CFAP91: variants seen among roughly 807,000 people sequenced by gnomAD.
CFAP91 encodes cilia and flagella associated protein 91, also known as cilia- and flagella-associated protein 91.
Under a neutral mutation model 95.9 loss-of-function variants are expected in CFAP91, and 85 were observed. The observed-to-expected ratio is 0.89, with a 90% CI of 0.74 to 1.06. The LOEUF is 1.06. CFAP91 is among the 50% of genes least tolerant of loss of function. The pLI is 0.00. For synonymous variants in CFAP91, 335 were observed against 327.5 expected, an observed-to-expected ratio of 1.02 and a Z score of -0.25; for missense variants, 962 against 943.4, an observed-to-expected ratio of 1.02 and a Z score of -0.26.
chr3:119,713,465 G>T, intron 5 of CFAP91, among the ~76,000 whole-genome samples: 1 of 148,684 alleles, frequency 6.7e-6, no homozygotes. Flanking sequence ...TGCTGTGCTC[G>T]TATATAAGCT....
At chr3:119,726,520 G>C (rs2053788005) in intron 7 of CFAP91, among the ~76,000 whole-genome samples, 172 bp downstream of exon 7, 1 of 152,138 alleles carries the variant, frequency 6.6e-6, no homozygotes, top group African/African-American at 2.4e-5. Context: ...CTTCTGATGT[G>C]GTCCAGAAGC....
At chr3:119,705,793 G>A (rs1005260364) in intron 1 of CFAP91, among the ~76,000 whole-genome samples, 4 of 152,154 alleles carry the variant, frequency 2.6e-5, no homozygotes, top group African/African-American at 9.7e-5. Flanking sequence ...TAAGCACCTA[G>A]ATAGAGTAGC....
At chr3:119,733,126 C>T (rs978307856) in intron 9 of CFAP91, among the ~76,000 whole-genome samples, 2 of 152,100 alleles carry the variant, frequency 1.3e-5, no homozygotes, top group African/African-American at 4.8e-5. Flanking sequence ...TTTTGTAGGG[C>T]AATATTTTCA....
chr3:119,752,337 C>G (rs1277944619), intron 17 of CFAP91: 1 of 152,138 alleles, frequency 6.6e-6, no homozygotes, highest in East Asian at 1.9e-4. Context: ...AAGTCTCAAT[C>G]AAAAGGAATC....
intron 16 of CFAP91, among the ~76,000 whole-genome samples, chr3:119,748,647 C>G (rs1238082149): frequency 6.6e-6 from 1 of 152,098 alleles, no homozygotes; most frequent in African/African-American, 2.4e-5. Context: ...TCAATTTGCT[C>G]AATCAGGGAT....
chr3:119,736,484 G>A (rs902269227), intron 10 of CFAP91, among the ~76,000 whole-genome samples: 1 of 151,684 alleles, frequency 6.6e-6, no homozygotes, highest in African/African-American at 2.4e-5. Context: ...CACCGTGTTA[G>A]CCAGGATGGT....
chr3:119,705,021 A>G (rs747248795), intron 1 of CFAP91, among the ~76,000 whole-genome samples: 1 of 152,230 alleles, frequency 6.6e-6, no homozygotes, highest in Non-Finnish European at 1.5e-5. Flanking sequence ...TTACACAACG[A>G]TAAGCTCACC....
At chr3:119,755,768 C>T (rs2054415313) in intron 17 of CFAP91, among the ~76,000 whole-genome samples, 1 of 152,022 alleles carries the variant, frequency 6.6e-6, no homozygotes. Context: ...GAGAACTGGA[C>T]ATAATAAAAA....
At chr3:119,712,141 T>C (rs1346262885) in intron 5 of CFAP91, among the ~76,000 whole-genome samples, 3 of 152,230 alleles carry the variant, frequency 2.0e-5, no homozygotes. Flanking sequence ...GTTTGGGTCC[T>C]GTTTGAGGTT....
intron 17 of CFAP91, among the ~76,000 whole-genome samples, chr3:119,764,237 TC>T (rs1346698812): frequency 6.6e-6 from 1 of 152,104 alleles, no homozygotes; most frequent in Admixed American, 6.6e-5. Flanking sequence ...AAACAATTGT[TC>T]CATGGATAAC....
intron 16 of CFAP91, among the ~76,000 whole-genome samples, chr3:119,748,856 A>T (rs1298677165): frequency 6.6e-6 from 1 of 152,276 alleles, no homozygotes; most frequent in East Asian, 1.9e-4. Context: ...CTGAGAGTAC[A>T]TTCTTAACAG....
At chr3:119,739,531 G>T (rs2054077530) in intron 12 of CFAP91, among the ~76,000 whole-genome samples, 1 of 152,122 alleles carries the variant, frequency 6.6e-6, no homozygotes, top group African/African-American at 2.4e-5. Flanking sequence ...ACAGTGTCAA[G>T]GAGAGAGACA....
chr3:119,747,868 C>T lies in CFAP91; in HGVS notation c.2109C>T (p.Ile703=). The change falls in exon 16 of 18, where the codon ATC becomes ATT. Residue 703 remains isoleucine, a synonymous_variant. Coordinates refer to ENST00000273390, the MANE Select transcript of CFAP91 (RefSeq NM_033364.4). ...CTGAGTTGGTTTATAGTTTTCTGAT[C>T]CCAGAGGTGCAAAAATACTTTGTCA... ...IVAELVYSFL[I]PEVQKYFVKE... The T allele has an allele frequency of 6.2e-7, 1 of 1,613,282 alleles. No homozygotes were observed. Among genetic ancestry groups the T allele is most frequent in the Non-Finnish European group, 8.5e-7 (1 of 1,179,574 alleles).
intron 17 of CFAP91, among the ~76,000 whole-genome samples, chr3:119,761,954 A>G (rs2054545054): frequency 6.6e-6 from 1 of 152,002 alleles, no homozygotes; most frequent in African/African-American, 2.4e-5. Flanking sequence ...CACTCTTGCT[A>G]CTTCTATTCA....
At chr3:119,743,307 G>A (rs535143900) in intron 13 of CFAP91, among the ~76,000 whole-genome samples, 28 of 151,922 alleles carry the variant, frequency 1.8e-4, no homozygotes, top group Admixed American at 1.1e-3. Context: ...TAGTAAAGAC[G>A]GGGTTTCTCC....
rs996462910 is a variant in CFAP91, at chr3:119,754,976, A to G, written c.*1+3878A>G. ...GCCTTGCCAGGTCGTGGACTTGCTT[A>G]GGATCCATCACCCATTTTTTTCTTC... On this transcript the variant is annotated intron_variant, in intron 17 of 17. Transcript: ENST00000273390. Among the ~76,000 whole-genome samples, 3 of 152,380 alleles carry G rather than the reference A, an allele frequency of 2.0e-5. No homozygotes were observed. The South Asian group carries it at 6.2e-4, about 32-fold the overall frequency.
In CFAP91 at chr3:119,730,395, A is replaced by G; in HGVS notation, c.1018+18A>G. 1.9e-6 allele frequency: 3 copies of G among 1,601,688 alleles called. No individual in the cohort carries two copies. The highest frequency in any genetic ancestry group is 2.2e-5 in the South Asian group (2 of 89,064). On this transcript the variant is annotated intron_variant, in intron 8 of 17. Coordinates refer to ENST00000273390, the MANE Select transcript of CFAP91 (RefSeq NM_033364.4). ...TGTATCAAGTAATGGTGTAGTATGA[A>G]CAATGAAGACGGTGGAAAAGTGGGC... is the stretch of plus-strand genomic sequence containing the variant.
intron 17 of CFAP91, among the ~76,000 whole-genome samples, chr3:119,754,486 G>A (rs545138030): frequency 1.7e-4 from 26 of 152,336 alleles, no homozygotes; most frequent in African/African-American, 6.3e-4. Flanking sequence ...AATGCTAAGG[G>A]TGGGTTAACA....
chr3:119,743,913 C>G, intron 13 of CFAP91, 62 bp from the exon 14 acceptor site: 1 of 1,412,196 alleles, frequency 7.1e-7, no homozygotes, highest in East Asian at 2.3e-5. Flanking sequence ...TCCAGCACTT[C>G]TTCTAATAAT....
Sources: allele counts gnomAD v4.1 joint callset (sites outside exome capture counted in the v4.1 genomes callset), GRCh38; gene constraint gnomAD v4.1.1; transcripts MANE v1.5; gene names NCBI Gene and HGNC (gene_info 2026-07-23, HGNC 2026-07-21).